LRIT3: variants seen among roughly 807,000 people sequenced by gnomAD.
The protein encoded by LRIT3 is leucine rich repeat, Ig-like and transmembrane domains 3.
In LRIT3, 14 loss-of-function variants were observed where a neutral mutation model predicts 22.6. The ratio of observed to expected loss-of-function variants is 0.62; its 90% confidence interval spans 0.41 to 0.97. The LOEUF is 0.97. Ranked by LOEUF, LRIT3 falls within the 50% of genes least tolerant of loss-of-function variation. The pLI, the probability that LRIT3 is intolerant of heterozygous loss-of-function variation, is 0.00. For synonymous variants in LRIT3, 306 were observed against 304.5 expected, an observed-to-expected ratio of 1.01 and a Z score of -0.05; for missense variants, 783 against 803.0, an observed-to-expected ratio of 0.98 and a Z score of 0.30.
chr4:109,870,886 T>C lies in LRIT3; in HGVS notation c.*97T>C. 1 of 1,250,060 alleles carries C rather than the reference T, an allele frequency of 8.0e-7. No homozygotes were observed. Among genetic ancestry groups the C allele is most frequent in the Non-Finnish European group, 1.1e-6 (1 of 920,130 alleles). 77.4% of individuals were successfully genotyped at this position (1,250,060 alleles called of 1,614,324 possible). A position where few individuals can be genotyped will look rare whatever the true frequency, so the allele number is the denominator to read the frequency against. On this transcript the variant is annotated 3_prime_UTR_variant, in exon 4 of 4. Transcript: ENST00000594814. ...GACTTTTGGACAGACTTTCACATTG[T>C]ACATGAAAATCACAAATGGAATGCT...
At chr4:109,868,571 A>AAAAAG (rs1560595423) in intron 3 of LRIT3, among the ~76,000 whole-genome samples, 1 of 146,724 alleles carries the variant, frequency 6.8e-6, no homozygotes, top group Non-Finnish European at 1.5e-5. Flanking sequence ...AAAAAAAAAA[A>AAAAAG]AAGGACGGGG....
Position 109,867,815 on chromosome 4 carries a change from C to G in LRIT3, c.764C>G (p.Ser255Ter), listed in dbSNP as rs1235144558. The G allele has an allele frequency of 6.2e-7, 1 of 1,614,166 alleles. No homozygotes were observed. Residue 255 changes from serine (S) to a stop codon, truncating the protein, a stop_gained, in exon 3 of 4, where the codon TCA becomes TGA. Transcript: ENST00000594814. LOFTEE classifies it high-confidence loss of function. ...GAATTGGAGCATTGTCTGAAACCAT[C>G]AGTGATGACCTCAGCCACCAAAATC... The part of the protein sequence containing the change: ...RAELEHCLKP[S>*]VMTSATKIMS...
rs550462499 is a variant in LRIT3, at chr4:109,863,027, T to C, written c.590-4614T>C. 3.3e-5 allele frequency among the ~76,000 whole-genome samples: 5 copies of C among 152,246 alleles called. No homozygotes were observed. In the South Asian group the frequency reaches 8.3e-4, roughly 25 times the overall value. On this transcript the variant is annotated intron_variant, in intron 2 of 3. Transcript: ENST00000594814. ...ATTTGTAAATAATAGCGCTTATGAC[T>C]GTCACTATGACTCTAAATGTTTTTA...
Position 109,851,544 on chromosome 4 carries a change from A to G in LRIT3, c.157A>G (p.Thr53Ala), listed in dbSNP as rs1734267392. Reference protein sequence around the residue: ...CNDMDMNELPTNLPVDTVKLR... With the variant: ...CNDMDMNELPANLPVDTVKLR... ...TGACATGGATATGAACGAGCTGCCT[A>G]CGAACCTCCCCGTGGACACTGTGAA... The change falls in exon 2 of 4, where the codon ACG becomes GCG. Residue 53 changes from threonine (T) to alanine (A), a missense_variant. By Grantham distance (58) the Thr-to-Ala change is moderately conservative (BLOSUM62 0). This residue lies in a region of LRIT3 where 756 missense variants were observed against 753.8 expected (regional missense o/e 1.00). Coordinates refer to ENST00000594814, the MANE Select transcript of LRIT3 (RefSeq NM_198506.5). 15 of 1,550,514 alleles carry G rather than the reference A, an allele frequency of 9.7e-6. No homozygotes were observed. The highest frequency in any genetic ancestry group is 1.2e-5 in the Non-Finnish European group (14 of 1,146,114).
At chr4:109,850,422 C>CTTTCTTTCTTTCTTCCTTTCTTTCTTT (rs1553922077) in intron 1 of LRIT3, among the ~76,000 whole-genome samples, 1 of 55,088 alleles carries the variant, frequency 1.8e-5, no homozygotes, top group Non-Finnish European at 3.5e-5. Context: ...TTCCTTCCTT[C>CTTTCTTTCTTTCTTCCTTTCTTTCTTT]CTTTCTTTCT....
rs1383137135 is a variant in LRIT3, at chr4:109,869,709, C to T, written c.960C>T (p.Ser320=). Residue 320 remains serine, a synonymous_variant, in exon 4 of 4, where the codon TCC becomes TCT. Coordinates refer to ENST00000594814, the MANE Select transcript of LRIT3 (RefSeq NM_198506.5). ...TAATGAGCTTGACAGGCATTTCTTC[C>T]AAAGACGCTGGGGATTACAAATGTA... ...WSIMSLTGIS[S]KDAGDYKCKA... The T allele has an allele frequency of 6.2e-7, 1 of 1,603,570 alleles. No individual in the cohort carries two copies. The highest frequency in any genetic ancestry group is 8.5e-7 in the Non-Finnish European group (1 of 1,174,576).
intron 2 of LRIT3, chr4:109,865,347 G>A: frequency 1.3e-6 from 2 of 1,549,086 alleles, no homozygotes; most frequent in Non-Finnish European, 1.8e-6. Flanking sequence ...CACATATCAG[G>A]TCAACTAATA....
In LRIT3 at chr4:109,870,643, C is replaced by G. The variant is rs745674496; in HGVS notation, c.1894C>G (p.Leu632Val). The G allele has an allele frequency of 6.2e-7, 1 of 1,614,096 alleles. No homozygotes were observed. Among genetic ancestry groups the G allele is most frequent in the Non-Finnish European group, 8.5e-7 (1 of 1,180,014 alleles). Reference protein sequence around the residue: ...AKETYIQFETLFPRSQSVGEL... With the variant: ...AKETYIQFETVFPRSQSVGEL... ...GGAGACTTATATCCAATTTGAGACC[C>G]TGTTTCCCAGGTCTCAAAGTGTAGG... The change falls in exon 4 of 4, where the codon CTG becomes GTG. Residue 632 changes from leucine (L) to valine (V), a missense_variant. By Grantham distance (32) the Leu-to-Val change is conservative. Transcript: ENST00000594814.
chr4:109,857,988 C>T (rs1470709680), intron 2 of LRIT3, among the ~76,000 whole-genome samples: 1 of 152,064 alleles, frequency 6.6e-6, no homozygotes, highest in Non-Finnish European at 1.5e-5. Flanking sequence ...GTAGTGTGAC[C>T]TCCAAGGTTT....
intron 2 of LRIT3, among the ~76,000 whole-genome samples, chr4:109,861,052 A>G (rs79363688): frequency 0.017 from 2,602 of 152,274 alleles, 85 homozygotes; most frequent in African/African-American, 0.058. Context: ...ATAAATTCCT[A>G]GAATTGAAAT....
intron 1 of LRIT3, 44 bp from the exon 2 acceptor site, chr4:109,851,460 G>A: frequency 6.8e-7 from 1 of 1,472,360 alleles, no homozygotes; most frequent in Non-Finnish European, 9.0e-7. Context: ...TCAAATGGGT[G>A]TTGGAAAGTG....
chr4:109,848,387 C>T lies in LRIT3; in HGVS notation c.116+70C>T, dbSNP rs144715634. ...AAAAGGACCCAAACAAGAAAGCCTACTTTTGAAAGCAAATGTTTGGGGATC... is the reference window on the plus strand; with the variant it reads ...AAAAGGACCCAAACAAGAAAGCCTATTTTTGAAAGCAAATGTTTGGGGATC... On this transcript the variant is annotated intron_variant, in intron 1 of 3. Transcript: ENST00000594814. The T allele has an allele frequency of 2.4e-4, 190 of 797,710 alleles. No homozygotes were observed. The African/African-American group carries it at 3.0e-3, about 13-fold the overall frequency. 49.4% of individuals were successfully genotyped at this position (797,710 alleles called of 1,614,324 possible). A position where few individuals can be genotyped will look rare whatever the true frequency, so the allele number is the denominator to read the frequency against.
chr4:109,869,905 C>T lies in LRIT3; in HGVS notation c.1156C>T (p.Leu386Phe). The change falls in exon 4 of 4, where the codon CTT (leucine) becomes TTT (phenylalanine). Residue 386 changes from leucine to phenylalanine, a missense_variant. Coordinates refer to ENST00000594814, the MANE Select transcript of LRIT3 (RefSeq NM_198506.5). Reference sequence around the variant, plus strand: ...ATCTGTATCTAGCGCATCATCATATCTTTGGTCCTCTTCCTTCTCCCCCAC... The same window carrying T: ...ATCTGTATCTAGCGCATCATCATATTTTTGGTCCTCTTCCTTCTCCCCCAC... Reference protein sequence around the residue: ...STSVSSASSYLWSSSFSPTSS... With the variant: ...STSVSSASSYFWSSSFSPTSS... 6.2e-7 allele frequency: 1 copy of T among 1,614,110 alleles called. No individual in the cohort carries two copies. Among genetic ancestry groups the T allele is most frequent in the African/African-American group, 1.3e-5 (1 of 75,032 alleles).
chr4:109,851,129 T>G (rs1459292817), intron 1 of LRIT3, among the ~76,000 whole-genome samples: 1 of 152,230 alleles, frequency 6.6e-6, no homozygotes, highest in Non-Finnish European at 1.5e-5. Context: ...TTACTGAATG[T>G]TGGTGGGCCT....
chr4:109,853,215 C>T lies in LRIT3; in HGVS notation c.589+1239C>T, dbSNP rs187536690. ...CTCCCACCAACAGTGTAAAAACGTT[C>T]CTATTTCTCCACATCCTCTCCAGCG... On this transcript the variant is annotated intron_variant, in intron 2 of 3. Transcript: ENST00000594814. Among the ~76,000 whole-genome samples the T allele has an allele frequency of 8.0e-4, 122 of 152,270 alleles. No individual in the cohort carries two copies. In the Middle Eastern group the frequency reaches 0.01, roughly 13 times the overall value.
chr4:109,872,060 T>C lies in LRIT3; in HGVS notation c.*1271T>C, dbSNP rs35043368. 0.18 allele frequency: 27,995 copies of C among 152,136 alleles called. 3,023 individuals carry two copies. Among genetic ancestry groups the C allele is most frequent in the Admixed American group, 0.33 (5,041 of 15,278 alleles). The allele number at this position is 152,136 out of a possible 1,614,324, so 9.4% of individuals were successfully genotyped here. A position where few individuals can be genotyped will look rare whatever the true frequency, so the allele number is the denominator to read the frequency against. On this transcript the variant is annotated 3_prime_UTR_variant, in exon 4 of 4. Coordinates refer to ENST00000594814, the MANE Select transcript of LRIT3 (RefSeq NM_198506.5). ...AAGGCCACCTCAGCACAGATGCAAC[T>C]TTCATAAATTTTAGAACAAAGCCTA...
intron 1 of LRIT3, among the ~76,000 whole-genome samples, chr4:109,850,142 A>G (rs1734173501): frequency 6.6e-6 from 1 of 152,214 alleles, no homozygotes; most frequent in Admixed American, 6.5e-5. Context: ...CACTGATTTA[A>G]TGTCATATGT....
In LRIT3 at chr4:109,870,432, C is replaced by G. The variant is rs1479261216; in HGVS notation, c.1683C>G (p.Pro561=). The G allele has an allele frequency of 6.2e-7, 1 of 1,613,978 alleles. No homozygotes were observed. Among genetic ancestry groups the G allele is most frequent in the African/African-American group, 1.3e-5 (1 of 74,908 alleles). Residue 561 remains proline (P), a synonymous_variant, in exon 4 of 4, where the codon CCC becomes CCG. Coordinates refer to ENST00000594814, the MANE Select transcript of LRIT3 (RefSeq NM_198506.5). ...GTGTCTGTCCAAAAGGAGTGCCTCCCCAGAAAGACCAATGCATCACCTTTT... is the reference window on the plus strand; with the variant it reads ...GTGTCTGTCCAAAAGGAGTGCCTCCGCAGAAAGACCAATGCATCACCTTTT... ...MACVCPKGVP[P]QKDQCITFST... is the part of the protein sequence containing the mutation.
At chr4:109,867,473 AGATTGCTG>A (rs1397007417) in intron 2 of LRIT3, among the ~76,000 whole-genome samples, 160 bp from the exon 3 acceptor site, 1 of 152,176 alleles carries the variant, frequency 6.6e-6, no homozygotes, top group Non-Finnish European at 1.5e-5. Flanking sequence ...ATGTTCACCG[AGATTGCTG>A]GATTGCAGAG....
Sources: allele counts gnomAD v4.1 joint callset (sites outside exome capture counted in the v4.1 genomes callset), GRCh38; gene constraint gnomAD v4.1.1; regional missense constraint gnomAD v4.1.1; transcripts MANE v1.5; gene names NCBI Gene and HGNC (gene_info 2026-07-23, HGNC 2026-07-21).